LDLRAP1: variants seen among roughly 807,000 people sequenced by gnomAD.
LDLRAP1 encodes the protein low density lipoprotein receptor adapter protein 1.
In LDLRAP1, 30 loss-of-function variants were observed where a neutral mutation model predicts 37.8. That is an observed-to-expected ratio of 0.79 (90% confidence interval 0.59 to 1.08). The LOEUF (loss-of-function observed/expected upper bound fraction) is 1.08. LDLRAP1 is among the 50% of genes least tolerant of loss of function. The probability of loss-of-function intolerance (pLI) is 0.00; values close to 1 mark genes in which losing one functional copy is unlikely to be tolerated. For missense variants in LDLRAP1, 375 were observed against 401.6 expected (o/e 0.93, Z 0.57); for synonymous variants, 156 against 169.8 (o/e 0.92, Z 0.63).
chr1:25,560,969 T>C (rs1298008618), intron 4 of LDLRAP1, among the ~76,000 whole-genome samples: 1 of 152,260 alleles, frequency 6.6e-6, no homozygotes, highest in East Asian at 1.9e-4. Context: ...CATCCACCTC[T>C]TGGGTTGTAT....
chr1:25,585,333 T>C, the LDLRAP1 span, among the ~76,000 whole-genome samples: 1 of 149,308 alleles, frequency 6.7e-6, no homozygotes, highest in Non-Finnish European at 1.5e-5. Flanking sequence ...TATTTTTTGT[T>C]TTTTTTTTTT....
chr1:25,573,091 G>C (rs532786862), downstream of LDLRAP1, among the ~76,000 whole-genome samples: 3 of 151,838 alleles, frequency 2.0e-5, no homozygotes, highest in Non-Finnish European at 4.4e-5. Context: ...GCTGCTTTGC[G>C]GGGCGGGGGG....
intron 1 of LDLRAP1, among the ~76,000 whole-genome samples, chr1:25,545,097 G>A (rs984442854): frequency 2.6e-5 from 4 of 152,236 alleles, no homozygotes; most frequent in African/African-American, 9.6e-5. Flanking sequence ...GCCAGGGGAT[G>A]TACCGTTTAT....
Position 25,551,420 on chromosome 1 carries a change from T to C in LDLRAP1, c.89-2502T>C, listed in dbSNP as rs569292970. 4.6e-5 allele frequency among the ~76,000 whole-genome samples: 7 copies of C among 152,318 alleles called. No homozygotes were observed. The South Asian group carries it at 1.5e-3, about 32-fold the overall frequency. On this transcript the variant is annotated intron_variant, in intron 1 of 8. Coordinates refer to ENST00000374338, the MANE Select transcript of LDLRAP1 (RefSeq NM_015627.3). Reference sequence around the variant, plus strand: ...GAGCTTGGGCTTTAGAGTCAGTCCTTTGAGTCTCAGTTTCCTCTCTGTAAA... The same window carrying C: ...GAGCTTGGGCTTTAGAGTCAGTCCTCTGAGTCTCAGTTTCCTCTCTGTAAA...
chr1:25,590,183 A>G, the LDLRAP1 span: 1 of 152,266 alleles, frequency 6.6e-6, no homozygotes, highest in Non-Finnish European at 1.5e-5. Flanking sequence ...CCTGACTAAT[A>G]CGCCAAGGCC....
chr1:25,557,304 T>A, intron 4 of LDLRAP1, 37 bp downstream of exon 4: 1 of 1,538,980 alleles, frequency 6.5e-7, no homozygotes, highest in Non-Finnish European at 9.0e-7. Flanking sequence ...CAGGGTCCAG[T>A]GGCCTTGGCA....
intron 3 of LDLRAP1, among the ~76,000 whole-genome samples, 191 bp from the exon 4 acceptor site, chr1:25,556,962 C>G (rs1204992795): frequency 1.3e-5 from 2 of 152,200 alleles, no homozygotes; most frequent in Admixed American, 6.5e-5. Context: ...TCCTTCCTGC[C>G]TGGCCTGGGC....
At chr1:25,563,983 A>C in intron 7 of LDLRAP1, 192 bp downstream of exon 7, 1 of 706,614 alleles carries the variant, frequency 1.4e-6, no homozygotes, top group Non-Finnish European at 2.4e-6. Context: ...CTGCATCCCC[A>C]ACAGGCTTGG....
At chr1:25,571,504 C>T (rs1461797454), downstream of LDLRAP1, among the ~76,000 whole-genome samples, 1 of 152,258 alleles carries the variant, frequency 6.6e-6, no homozygotes, top group Admixed American at 6.5e-5. Context: ...GCAGCATCCA[C>T]ACGTACCAGC....
At chr1:25,582,747 G>GATATA in the LDLRAP1 span, among the ~76,000 whole-genome samples, 2 of 151,942 alleles carry the variant, frequency 1.3e-5, no homozygotes, top group African/African-American at 4.8e-5. Flanking sequence ...GCTTTATTGT[G>GATATA]ATATAATTCA....
At position 25,554,977 on chromosome 1, in the gene LDLRAP1, G is replaced by C; in HGVS notation, c.344+5G>C. On this transcript the variant is annotated splice_donor_5th_base_variant and intron_variant, in intron 3 of 8. Coordinates refer to ENST00000374338, the MANE Select transcript of LDLRAP1 (RefSeq NM_015627.3). This position sits in a 1 kb window ranked among gnomAD's most constrained non-coding sequence, Gnocchi z 5.4. ...TGAGAACGTGTCCATATACAGGTACGCTCAGCATGGGGTTGGCCCATCCAC... is the reference window on the plus strand; with the variant it reads ...TGAGAACGTGTCCATATACAGGTACCCTCAGCATGGGGTTGGCCCATCCAC... 1 of 1,607,094 alleles carries C rather than the reference G, an allele frequency of 6.2e-7. No homozygotes were observed. Among genetic ancestry groups the C allele is most frequent in the Non-Finnish European group, 8.5e-7 (1 of 1,173,726 alleles).
chr1:25,552,742 C>T (rs1180314176), intron 1 of LDLRAP1, among the ~76,000 whole-genome samples: 2 of 152,186 alleles, frequency 1.3e-5, no homozygotes. Context: ...GCCCTCATGC[C>T]CATTTGCCTC....
intron 4 of LDLRAP1, among the ~76,000 whole-genome samples, chr1:25,559,933 G>A (rs2044304151): frequency 6.6e-6 from 1 of 152,194 alleles, no homozygotes; most frequent in South Asian, 2.1e-4. Context: ...GGAACCCAGG[G>A]GGGCTTAGTT....
In LDLRAP1 at chr1:25,563,050, G is replaced by A. The variant is rs1452035041; in HGVS notation, c.533-20G>A. On this transcript the variant is annotated intron_variant, in intron 5 of 8. Coordinates refer to ENST00000374338, the MANE Select transcript of LDLRAP1 (RefSeq NM_015627.3). ...GTGCTGGGGTCTGAGGCTCCAACAT[G>A]TTGTGCCTTGGTCCTGCAGAGAAAG... 6.2e-7 allele frequency: 1 copy of A among 1,612,018 alleles called. No homozygotes were observed. The highest frequency in any genetic ancestry group is 1.3e-5 in the African/African-American group (1 of 74,878).
chr1:25,584,425 C>T, the LDLRAP1 span, among the ~76,000 whole-genome samples: 3 of 152,126 alleles, frequency 2.0e-5, no homozygotes, highest in Non-Finnish European at 4.4e-5. Context: ...CAGCACCTTC[C>T]ACCCTGCCAT....
the LDLRAP1 span, among the ~76,000 whole-genome samples, chr1:25,584,271 C>T: frequency 2.0e-5 from 3 of 152,056 alleles, no homozygotes; most frequent in East Asian, 1.9e-4. Flanking sequence ...TGCAGCAGTC[C>T]GCCCCATGGT....
chr1:25,546,832 AT>A (rs112728847), intron 1 of LDLRAP1, among the ~76,000 whole-genome samples: 18 of 151,338 alleles, frequency 1.2e-4, no homozygotes, highest in Non-Finnish European at 2.2e-4. Flanking sequence ...TTTTTTTGTG[AT>A]TTTTTTTTAA....
chr1:25,570,600 C>G (rs2044591205), downstream of LDLRAP1, among the ~76,000 whole-genome samples: 1 of 152,166 alleles, frequency 6.6e-6, no homozygotes, highest in African/African-American at 2.4e-5. Context: ...TGGCTCACAC[C>G]TGTAATCCCA....
chr1:25,558,916 G>A (rs1341589550), intron 4 of LDLRAP1, among the ~76,000 whole-genome samples: 3 of 152,158 alleles, frequency 2.0e-5, no homozygotes, highest in East Asian at 3.8e-4. Context: ...ACAGTCTAGC[G>A]GTCTCCTGGC....
Sources: gnomAD v4.1 joint callset for allele counts (sites outside exome capture counted in the v4.1 genomes callset) on GRCh38, gnomAD v4.1.1 for gene constraint, Gnocchi (gnomAD v3.1) non-coding constraint, MANE v1.5 for transcripts, NCBI Gene and HGNC (gene_info 2026-07-23, HGNC 2026-07-21) for gene names.